RGS6: variants seen among roughly 807,000 people sequenced by gnomAD.
The protein encoded by RGS6 is regulator of G-protein signaling 6.
RGS6 carries 30 observed loss-of-function variants against 78.5 expected under a neutral mutation model. The ratio of observed to expected loss-of-function variants is 0.38; its 90% CI spans 0.29 to 0.52. The LOEUF is 0.52. Among genes scored for constraint, RGS6 ranks in the 20% least tolerant of loss-of-function variants. The probability of loss-of-function intolerance (pLI) is 0.85; values close to 1 mark genes in which losing one functional copy is unlikely to be tolerated. For missense variants in RGS6, 495 were observed against 609.7 expected, an observed-to-expected ratio of 0.81 and a Z score of 1.98; for synonymous variants, 206 against 206.0, an observed-to-expected ratio of 1.00 and a Z score of 0.00.
intron 2 of RGS6, among the ~76,000 whole-genome samples, chr14:72,123,069 C>T (rs949085857): frequency 2.6e-5 from 4 of 152,192 alleles, no homozygotes; most frequent in Admixed American, 6.5e-5. Flanking sequence ...TGGGTTTGAG[C>T]GATTCTCATG....
intron 6 of RGS6, among the ~76,000 whole-genome samples, 164 bp from the exon 7 acceptor site, chr14:72,465,594 A>ATGGT (rs2095881713): frequency 8.3e-6 from 1 of 121,168 alleles, no homozygotes; most frequent in Non-Finnish European, 1.8e-5. Context: ...GGATGGATGG[A>ATGGT]TGGATGGTTG....
chr14:72,118,695 C>T (rs993710155), intron 2 of RGS6, among the ~76,000 whole-genome samples: 5 of 152,018 alleles, frequency 3.3e-5, no homozygotes, highest in Non-Finnish European at 5.9e-5. Flanking sequence ...TGTGACAGGC[C>T]CAATGGCATG....
intron 2 of RGS6, among the ~76,000 whole-genome samples, chr14:72,145,645 AT>A (rs1195812885): frequency 6.6e-6 from 1 of 152,156 alleles, no homozygotes; most frequent in African/African-American, 2.4e-5. Flanking sequence ...CACTGGGCTA[AT>A]TTTTTTGTGG....
At chr14:72,049,828 G>A (rs1256162543) in intron 2 of RGS6, among the ~76,000 whole-genome samples, 1 of 152,158 alleles carries the variant, frequency 6.6e-6, no homozygotes, top group Non-Finnish European at 1.5e-5. Flanking sequence ...TATCTGCCAT[G>A]TATAGTCTCT....
intron 2 of RGS6, among the ~76,000 whole-genome samples, chr14:72,064,147 A>G (rs569269009): frequency 5.9e-5 from 9 of 152,110 alleles, no homozygotes; most frequent in Middle Eastern, 3.4e-3. Flanking sequence ...CAAGGGAGCA[A>G]TTTTTGGGAG....
At chr14:72,077,294 T>G (rs547954810) in intron 2 of RGS6, among the ~76,000 whole-genome samples, 24 of 152,190 alleles carry the variant, frequency 1.6e-4, no homozygotes, top group Non-Finnish European at 2.5e-4. Context: ...GGTTTCCTAC[T>G]GATTTGTAAT....
intron 2 of RGS6, among the ~76,000 whole-genome samples, chr14:72,135,541 T>C (rs904424849): frequency 2.6e-5 from 4 of 152,206 alleles, no homozygotes; most frequent in African/African-American, 9.6e-5. Flanking sequence ...AATGTGTCCC[T>C]ATTTTATAAG....
chr14:72,368,129 G>A (rs1269835894), intron 3 of RGS6, among the ~76,000 whole-genome samples: 1 of 152,160 alleles, frequency 6.6e-6, no homozygotes, highest in African/African-American at 2.4e-5. Flanking sequence ...TAGGGTCTGG[G>A]AAGTCCAAAA....
intron 2 of RGS6, among the ~76,000 whole-genome samples, chr14:72,130,272 A>G (rs1160485439): frequency 1.3e-5 from 2 of 152,190 alleles, no homozygotes; most frequent in African/African-American, 4.8e-5. Context: ...CTGGTACATC[A>G]TATTTTCACC....
the RGS6 span, among the ~76,000 whole-genome samples, chr14:72,599,132 G>A: frequency 5.3e-5 from 8 of 152,184 alleles, no homozygotes; most frequent in Non-Finnish European, 8.8e-5. Flanking sequence ...GAGGGGAAAG[G>A]AGGGCTAGAA....
At chr14:71,977,104 G>A (rs1430614946) in intron 2 of RGS6, among the ~76,000 whole-genome samples, 5 of 117,996 alleles carry the variant, frequency 4.2e-5, no homozygotes, top group African/African-American at 1.5e-4. Context: ...CTTTTTGATG[G>A]GGTGGTTTGT....
chr14:72,478,949 G>T (rs536038623), intron 12 of RGS6, among the ~76,000 whole-genome samples: 3 of 152,186 alleles, frequency 2.0e-5, no homozygotes, highest in African/African-American at 4.8e-5. Context: ...TAACTCTTCC[G>T]TGAAGATGGG....
chr14:72,042,580 T>A (rs1196512413), intron 2 of RGS6, among the ~76,000 whole-genome samples: 3 of 152,206 alleles, frequency 2.0e-5, no homozygotes, highest in African/African-American at 7.2e-5. Context: ...TTCAAAATTA[T>A]GTATATTTAA....
intron 2 of RGS6, among the ~76,000 whole-genome samples, chr14:72,080,372 GTTAT>G (rs1021142623): frequency 6.6e-6 from 1 of 151,726 alleles, no homozygotes; most frequent in Non-Finnish European, 1.5e-5. Context: ...TTTAAAAATT[GTTAT>G]TTACTTTCTT....
At chr14:72,380,951 A>G (rs2085921489) in intron 3 of RGS6, among the ~76,000 whole-genome samples, 1 of 152,146 alleles carries the variant, frequency 6.6e-6, no homozygotes, top group African/African-American at 2.4e-5. Flanking sequence ...GAACAAAGAA[A>G]ATGTGGTATG....
At chr14:71,887,006 C>G in the RGS6 span, among the ~76,000 whole-genome samples, 10,186 of 152,140 alleles carry the variant, frequency 0.067, 498 homozygotes, top group Non-Finnish European at 0.1. Context: ...AAAAATTAGT[C>G]AGGCATGTTG....
intron 2 of RGS6, among the ~76,000 whole-genome samples, chr14:72,064,136 G>T (rs1488681152): frequency 1.3e-5 from 2 of 152,172 alleles, no homozygotes; most frequent in African/African-American, 4.8e-5. Context: ...TAGGGCACTT[G>T]CAAGGGAGCA....
intron 2 of RGS6, among the ~76,000 whole-genome samples, chr14:71,987,861 C>T (rs1037254343): frequency 6.6e-6 from 1 of 152,124 alleles, no homozygotes; most frequent in South Asian, 2.1e-4. Context: ...CTAAACAATA[C>T]AGTGAATAAA....
chr14:72,582,771 C>T, the RGS6 span, among the ~76,000 whole-genome samples: 1 of 152,058 alleles, frequency 6.6e-6, no homozygotes, highest in Non-Finnish European at 1.5e-5. Context: ...GATGCAATGA[C>T]TAGGGGAATA....
Sources: gnomAD v4.1 joint callset for allele counts (sites outside exome capture counted in the v4.1 genomes callset) on GRCh38, gnomAD v4.1.1 for gene constraint, MANE v1.5 for transcripts, NCBI Gene and HGNC (gene_info 2026-07-23, HGNC 2026-07-21) for gene names.